Variants in PRIM2 observed in about 807,000 individuals in gnomAD.
PRIM2 encodes DNA primase subunit 2.
Under a neutral mutation model 67.3 loss-of-function variants are expected in PRIM2, and 39 were observed. The observed-to-expected ratio is 0.58, with a 90% CI of 0.45 to 0.76. The LOEUF (loss-of-function observed/expected upper bound fraction) is 0.76. Among genes scored for constraint, PRIM2 ranks in the 30% least tolerant of loss-of-function variants. The pLI is 0.00. For synonymous variants in PRIM2, 143 were observed against 198.7 expected, an observed-to-expected ratio of 0.72 and a Z score of 2.36; for missense variants, 398 against 598.7, an observed-to-expected ratio of 0.66 and a Z score of 3.50.
intron 12 of PRIM2, among the ~76,000 whole-genome samples, chr6:57,620,478 A>G (rs1247147538): frequency 3.9e-5 from 6 of 152,346 alleles, no homozygotes; most frequent in East Asian, 1.9e-4. Context: ...CCACATATGA[A>G]GGAAAGATAA....
At chr6:57,267,521 T>C in the PRIM2 span, among the ~76,000 whole-genome samples, 6 of 152,016 alleles carry the variant, frequency 3.9e-5, no homozygotes, top group Admixed American at 3.3e-4. Flanking sequence ...TATCACTTTC[T>C]ACGAGCAATA....
chr6:57,537,526 G>A lies in PRIM2; in HGVS notation c.921G>A (p.Met307Ile). The A allele has an allele frequency of 6.3e-7, 1 of 1,583,164 alleles. No homozygotes were observed. Among genetic ancestry groups the A allele is most frequent in the Non-Finnish European group, 8.7e-7 (1 of 1,155,810 alleles). Residue 307 changes from methionine (M) to isoleucine (I), a missense_variant, in exon 10 of 14, where the codon ATG (methionine) becomes ATA (isoleucine). Physicochemically the swap from Met to Ile is conservative, Grantham distance 10. This residue lies in a region of PRIM2 where 229 missense variants were observed against 383.6 expected (regional missense o/e 0.60). Coordinates refer to ENST00000615550, the MANE Select transcript of PRIM2 (RefSeq NM_000947.5). ...ACCATCTTCGTCATGGAGGCCGAAT[G>A]CAGTATGGCCTATTTCTGAAGGGCA... ...ENHHLRHGGR[M>I]QYGLFLKGIG...
At chr6:57,441,632 A>G (rs994379800) in intron 7 of PRIM2, among the ~76,000 whole-genome samples, 5 of 152,222 alleles carry the variant, frequency 3.3e-5, no homozygotes, top group African/African-American at 1.2e-4. Flanking sequence ...TGAGGAAATC[A>G]TTAAGATATT....
chr6:57,538,418 A>G (rs1422863294), intron 10 of PRIM2, among the ~76,000 whole-genome samples: 1 of 152,102 alleles, frequency 6.6e-6, no homozygotes, highest in Non-Finnish European at 1.5e-5. Context: ...TCCCAATCCT[A>G]TGCCTTGTTT....
intron 5 of PRIM2, among the ~76,000 whole-genome samples, chr6:57,336,391 G>C (rs1358850188): frequency 1.3e-5 from 2 of 152,026 alleles, no homozygotes; most frequent in African/African-American, 2.4e-5. Context: ...AAGAGCAACT[G>C]CAAGACACAT....
At chr6:57,454,802 C>G (rs1265527137) in intron 7 of PRIM2, among the ~76,000 whole-genome samples, 7 of 151,930 alleles carry the variant, frequency 4.6e-5, no homozygotes, top group Non-Finnish European at 1.5e-5. Context: ...CTGTTCTGAT[C>G]TTAATTATTT....
At chr6:57,482,909 AT>A (rs1419315957) in intron 7 of PRIM2, among the ~76,000 whole-genome samples, 3 of 151,628 alleles carry the variant, frequency 2.0e-5, no homozygotes, top group South Asian at 2.1e-4. Flanking sequence ...AGGAAAGTAG[AT>A]TTTTTTTTGT....
the PRIM2 span, among the ~76,000 whole-genome samples, chr6:57,288,154 C>G: frequency 1.3e-5 from 2 of 152,212 alleles, no homozygotes; most frequent in Non-Finnish European, 2.9e-5. Context: ...CCCACTCCCA[C>G]GGAGCCTTGT....
intron 13 of PRIM2, among the ~76,000 whole-genome samples, chr6:57,641,677 A>G (rs1354449030): frequency 1.3e-5 from 2 of 152,244 alleles, no homozygotes; most frequent in African/African-American, 4.8e-5. Flanking sequence ...CAAAACTGCA[A>G]TGAGATACCA....
At chr6:57,634,591 A>G (rs1285231808) in intron 13 of PRIM2, among the ~76,000 whole-genome samples, 11 of 152,370 alleles carry the variant, frequency 7.2e-5, no homozygotes, top group African/African-American at 2.4e-4. Context: ...GGATGCTTTT[A>G]ATTAAGAGGC....
At chr6:57,633,646 T>C (rs1582030154) in intron 13 of PRIM2, among the ~76,000 whole-genome samples, 2 of 152,302 alleles carry the variant, frequency 1.3e-5, no homozygotes, top group East Asian at 3.9e-4. Context: ...ACCAGTTTCA[T>C]GGAAGACAAT....
At chr6:57,317,168 C>G (rs930128500), upstream of PRIM2, among the ~76,000 whole-genome samples, 1 of 151,742 alleles carries the variant, frequency 6.6e-6, no homozygotes, top group African/African-American at 2.4e-5. Flanking sequence ...ATTAAACGAG[C>G]GGAAAAAAAA....
chr6:57,558,996 G>T (rs1360357669), intron 10 of PRIM2, among the ~76,000 whole-genome samples: 5 of 151,998 alleles, frequency 3.3e-5, no homozygotes, highest in African/African-American at 1.2e-4. Context: ...GGTGATACAG[G>T]TGTGGTGATA....
chr6:57,436,137 CCCT>C (rs1772005570), intron 7 of PRIM2, among the ~76,000 whole-genome samples: 1 of 152,092 alleles, frequency 6.6e-6, no homozygotes, highest in African/African-American at 2.4e-5. Flanking sequence ...TGGATTCATT[CCCT>C]CCTCTTGTGT....
At chr6:57,369,484 T>C (rs1769473921) in intron 5 of PRIM2, among the ~76,000 whole-genome samples, 1 of 152,134 alleles carries the variant, frequency 6.6e-6, no homozygotes. Flanking sequence ...GTTGAGTGGG[T>C]GGATATGAAT....
intron 7 of PRIM2, among the ~76,000 whole-genome samples, chr6:57,423,671 A>G (rs1165626824): frequency 2.6e-5 from 4 of 152,336 alleles, no homozygotes; most frequent in African/African-American, 9.6e-5. Flanking sequence ...TGAAGTAGCC[A>G]ATTAAACTTG....
chr6:57,252,520 A>G, the PRIM2 span, among the ~76,000 whole-genome samples: 1 of 152,094 alleles, frequency 6.6e-6, no homozygotes, highest in Admixed American at 6.5e-5. Flanking sequence ...GGCTCACCGC[A>G]ACCTCTGCCT....
chr6:57,540,953 C>CT (rs1775136314), intron 10 of PRIM2, among the ~76,000 whole-genome samples: 1 of 152,162 alleles, frequency 6.6e-6, no homozygotes, highest in African/African-American at 2.4e-5. Context: ...GTAAAGTGAT[C>CT]TCTCACAGTT....
chr6:57,483,157 C>G (rs1425955960), intron 7 of PRIM2, among the ~76,000 whole-genome samples: 1 of 152,142 alleles, frequency 6.6e-6, no homozygotes, highest in African/African-American at 2.4e-5. Context: ...ATCTACCAGC[C>G]TCGGCCTCCC....
Sources: gnomAD v4.1 joint callset for allele counts (sites outside exome capture counted in the v4.1 genomes callset) on GRCh38, gnomAD v4.1.1 for gene constraint, gnomAD v4.1.1 regional missense constraint, MANE v1.5 for transcripts, NCBI Gene and HGNC (gene_info 2026-07-23, HGNC 2026-07-21) for gene names.